Variants in MSMB observed in about 807,000 individuals in gnomAD.
MSMB encodes the protein beta-microseminoprotein.
A neutral mutation model predicts 10.5 loss-of-function variants in MSMB; 10 were observed. That is an observed-to-expected ratio of 0.95 (90% CI 0.59 to 1.62). The LOEUF is 1.62. MSMB is among the 40% of genes most tolerant of loss of function. The probability of loss-of-function intolerance (pLI) is 0.00; values close to 1 mark genes in which losing one functional copy is unlikely to be tolerated. For synonymous variants in MSMB, 43 were observed against 46.5 expected, an observed-to-expected ratio of 0.93 and a Z score of 0.30; for missense variants, 126 against 137.4, an observed-to-expected ratio of 0.92 and a Z score of 0.42.
chr10:46,046,049 A>G (rs1840888690), intron 1 of MSMB, among the ~76,000 whole-genome samples, 186 bp downstream of exon 1: 2 of 152,226 alleles, frequency 1.3e-5, no homozygotes, highest in Admixed American at 1.3e-4. Context: ...TGCTAAACTC[A>G]TTACAATTTT....
chr10:46,038,831 A>C, intron 3 of MSMB, 135 bp downstream of exon 3: 1 of 701,210 alleles, frequency 1.4e-6, no homozygotes, highest in African/African-American at 1.8e-5. Context: ...TGAATCTAAA[A>C]CTACTCTATA....
intron 1 of MSMB, among the ~76,000 whole-genome samples, chr10:46,041,650 T>A (rs138610230): frequency 6.6e-6 from 1 of 151,200 alleles, no homozygotes; most frequent in African/African-American, 2.4e-5. Context: ...AAAAGTTAGG[T>A]GGGTATGGTG....
intron 3 of MSMB, among the ~76,000 whole-genome samples, chr10:46,035,193 G>T (rs1840574091): frequency 6.6e-6 from 1 of 152,108 alleles, no homozygotes; most frequent in African/African-American, 2.4e-5. Context: ...AATGTAAAAT[G>T]GTGCAGCTGC....
At chr10:46,037,906 G>T (rs1461467001) in intron 3 of MSMB, among the ~76,000 whole-genome samples, 1 of 152,188 alleles carries the variant, frequency 6.6e-6, no homozygotes, top group African/African-American at 2.4e-5. Flanking sequence ...GCAAAATGTG[G>T]TCTCTCCATA....
At chr10:46,040,146 T>G in intron 1 of MSMB, 55 bp from the exon 2 acceptor site, 1 of 1,466,150 alleles carries the variant, frequency 6.8e-7, no homozygotes. Context: ...AGGATAATCC[T>G]TGACTGAGTG....
At chr10:46,045,727 A>G (rs1047013730) in intron 1 of MSMB, among the ~76,000 whole-genome samples, 1 of 152,108 alleles carries the variant, frequency 6.6e-6, no homozygotes, top group Admixed American at 6.6e-5. Flanking sequence ...GATGGGTGTC[A>G]GTGTTCTTCA....
At chr10:46,045,855 G>A (rs546977997) in intron 1 of MSMB, among the ~76,000 whole-genome samples, 25 of 152,268 alleles carry the variant, frequency 1.6e-4, no homozygotes, top group African/African-American at 5.5e-4. Context: ...CCCAGTGGCA[G>A]CTTCTTCCCC....
intron 3 of MSMB, among the ~76,000 whole-genome samples, chr10:46,036,481 C>A (rs935405550): frequency 1.3e-5 from 2 of 152,156 alleles, no homozygotes; most frequent in Non-Finnish European, 2.9e-5. Flanking sequence ...CAGTTACTGT[C>A]CCAGGATCAC....
chr10:46,044,591 A>G (rs1197736441), intron 1 of MSMB, among the ~76,000 whole-genome samples: 1 of 148,180 alleles, frequency 6.7e-6, no homozygotes, highest in East Asian at 2.0e-4. Flanking sequence ...AAAAAAAAAA[A>G]AAAAAAAAAA....
intron 3 of MSMB, among the ~76,000 whole-genome samples, chr10:46,034,974 AT>A (rs1164723679): frequency 2.6e-5 from 4 of 152,066 alleles, no homozygotes; most frequent in African/African-American, 4.8e-5. Flanking sequence ...CCCTGTCTTA[AT>A]TTTTTTAATA....
chr10:46,036,009 CAG>C (rs1275296284), intron 3 of MSMB, among the ~76,000 whole-genome samples: 2 of 151,874 alleles, frequency 1.3e-5, no homozygotes, highest in African/African-American at 4.8e-5. Context: ...GAGGAAACAG[CAG>C]AGAGAGAGAG....
intron 2 of MSMB, 26 bp downstream of exon 2, chr10:46,039,960 A>G: frequency 6.4e-7 from 1 of 1,556,354 alleles, no homozygotes; most frequent in Non-Finnish European, 8.9e-7. Context: ...CAATAACATA[A>G]TAAACATTGA....
chr10:46,039,652 C>G (rs556974032), intron 2 of MSMB, among the ~76,000 whole-genome samples: 2 of 152,264 alleles, frequency 1.3e-5, no homozygotes, highest in South Asian at 4.1e-4. Context: ...GAGGCTGTGG[C>G]GGGCAGATGA....
intron 1 of MSMB, among the ~76,000 whole-genome samples, chr10:46,042,119 T>G (rs1348038973): frequency 6.6e-6 from 1 of 152,170 alleles, no homozygotes; most frequent in Admixed American, 6.5e-5. Context: ...CATAAATACT[T>G]ATTCTAAGCA....
intron 1 of MSMB, among the ~76,000 whole-genome samples, chr10:46,044,507 T>C (rs560754954): frequency 4.0e-5 from 5 of 124,276 alleles, no homozygotes; most frequent in South Asian, 5.2e-4. Context: ...ACCCGGGAGG[T>C]GGAGCTTGCA....
intron 1 of MSMB, among the ~76,000 whole-genome samples, chr10:46,041,460 T>C (rs1270598670): frequency 6.6e-6 from 1 of 152,182 alleles, no homozygotes; most frequent in African/African-American, 2.4e-5. Context: ...AAATTAATTA[T>C]GAAGTGACGC....
At chr10:46,038,577 T>C (rs1554927910) in intron 3 of MSMB, among the ~76,000 whole-genome samples, 2 of 152,118 alleles carry the variant, frequency 1.3e-5, no homozygotes, top group Non-Finnish European at 2.9e-5. Context: ...CGTGAGCCAT[T>C]GTGACTGGCC....
chr10:46,043,435 G>GTCTGTCTC (rs1469310283), intron 1 of MSMB, among the ~76,000 whole-genome samples: 3 of 124,376 alleles, frequency 2.4e-5, no homozygotes, highest in African/African-American at 6.0e-5. Flanking sequence ...CTCCCTTTCT[G>GTCTGTCTC]TCTCTCTCTC....
chr10:46,039,414 G>A (rs1366362883), intron 2 of MSMB, among the ~76,000 whole-genome samples: 1 of 152,172 alleles, frequency 6.6e-6, no homozygotes, highest in Non-Finnish European at 1.5e-5. Context: ...GATTATCTCT[G>A]GATGAGAATC....
Sources: gnomAD v4.1 joint callset for allele counts (sites outside exome capture counted in the v4.1 genomes callset) on GRCh38, gnomAD v4.1.1 for gene constraint, MANE v1.5 for transcripts, NCBI Gene and HGNC (gene_info 2026-07-23, HGNC 2026-07-21) for gene names.